PIEZO1: variants seen among roughly 807,000 people sequenced by gnomAD.
PIEZO1 encodes piezo type mechanosensitive ion channel component 1 (Er blood group).
PIEZO1 carries 296 observed loss-of-function variants against 297.2 expected under a neutral mutation model. The observed-to-expected ratio is 1.00, with a 90% CI of 0.91 to 1.10. The LOEUF (loss-of-function observed/expected upper bound fraction) is 1.10. PIEZO1 is among the 50% of genes least tolerant of loss of function. PIEZO1 has a pLI of 0.00. For missense variants in PIEZO1, 5,018 were observed against 3,455.5 expected (o/e 1.45, Z -11.34); for synonymous variants, 2,427 against 1,507.5 (o/e 1.61, Z -14.13).
rs765321050 is a variant in PIEZO1, at chr16:88,725,447, G to A, written c.4131C>T (p.Thr1377=). The A allele has an allele frequency of 3.2e-5, 47 of 1,485,502 alleles. No individual in the cohort carries two copies. The highest frequency in any genetic ancestry group is 3.9e-5 in the Non-Finnish European group (43 of 1,115,022). 92.0% of individuals were successfully genotyped at this position (1,485,502 alleles called of 1,614,324 possible). The change falls in exon 29 of 51, where the codon ACC becomes ACT. Residue 1377 remains threonine (T), a synonymous_variant. Coordinates refer to ENST00000301015, the MANE Select transcript of PIEZO1 (RefSeq NM_001142864.4). ...GRVDRSRPQD[T]LGPKDPGLEP... is the part of the protein sequence containing the mutation. ...CCAGGCCGGGGTCCTTGGGGCCCAG[G>A]GTGTCCTGGGGGCGACTGCGGTCCA...
Position 88,723,154 on chromosome 16 carries a change from G to C in PIEZO1, c.4439-3C>G. The C allele has an allele frequency of 6.5e-7, 1 of 1,549,320 alleles. No individual in the cohort carries two copies. Among genetic ancestry groups the C allele is most frequent in the Non-Finnish European group, 8.7e-7 (1 of 1,146,824 alleles). On this transcript the variant is annotated splice_polypyrimidine_tract_variant and splice_region_variant and intron_variant, in intron 32 of 50. Coordinates refer to ENST00000301015, the MANE Select transcript of PIEZO1 (RefSeq NM_001142864.4). ...CACCTCCTGGCTGGGACCACCTCCT[G>C]GGCACAGGATGCTGGTGAGTGACTG...
rs1401745821 is a variant in PIEZO1 at position 88,719,732 on chromosome 16, C to G, written c.6324-11G>C. On this transcript the variant is annotated splice_polypyrimidine_tract_variant and intron_variant, in intron 43 of 50. Coordinates refer to ENST00000301015, the MANE Select transcript of PIEZO1 (RefSeq NM_001142864.4). Reference sequence around the variant, plus strand: ...GGCACCAGCCGGAACCTGCCCACAGCCAGGGTTCCCGTCAGGTGGGCTCCC... The same window carrying G: ...GGCACCAGCCGGAACCTGCCCACAGGCAGGGTTCCCGTCAGGTGGGCTCCC... 1 of 1,550,524 alleles carries G rather than the reference C, an allele frequency of 6.4e-7. No individual in the cohort carries two copies. Among genetic ancestry groups the G allele is most frequent in the South Asian group, 1.2e-5 (1 of 84,052 alleles).
intron 1 of PIEZO1, among the ~76,000 whole-genome samples, chr16:88,757,327 T>TGGGG (rs200851830): frequency 7.0e-5 from 3 of 42,700 alleles, no homozygotes; most frequent in Non-Finnish European, 1.0e-4. Context: ...GGCGGGGGGG[T>TGGGG]GGGGGGTAGT....
intron 45 of PIEZO1, 29 bp from the exon 46 acceptor site, chr16:88,716,927 C>T (rs778677711): frequency 1.4e-5 from 21 of 1,547,894 alleles, no homozygotes; most frequent in African/African-American, 4.1e-5. Flanking sequence ...CACGGGGCCA[C>T]GAAGATGAGC....
At chr16:88,717,718 G>C (rs1912151901) in intron 44 of PIEZO1, 1 of 439,318 alleles carries the variant, frequency 2.3e-6, no homozygotes, top group Admixed American at 2.6e-5. Flanking sequence ...CATAGAATTG[G>C]AGAAATTTTC....
At chr16:88,733,796 C>T in intron 17 of PIEZO1, 51 bp from the exon 18 acceptor site, 2 of 1,481,018 alleles carry the variant, frequency 1.4e-6, no homozygotes, top group Non-Finnish European at 1.8e-6. Flanking sequence ...TTCCCGGGTC[C>T]CCTGTGAGGA....
intron 1 of PIEZO1, among the ~76,000 whole-genome samples, chr16:88,769,300 C>A (rs575157828): frequency 2.0e-5 from 3 of 152,348 alleles, no homozygotes; most frequent in African/African-American, 4.8e-5. Context: ...GATCCTCCCA[C>A]CATGGCCTCC....
In PIEZO1 at chr16:88,723,975, T is replaced by A; in HGVS notation, c.4235-4A>T. 1 of 1,521,998 alleles carries A rather than the reference T, an allele frequency of 6.6e-7. No homozygotes were observed. Among genetic ancestry groups the A allele is most frequent in the Admixed American group, 2.0e-5 (1 of 50,952 alleles). The allele number at this position is 1,521,998 out of a possible 1,614,324, so 94.3% of individuals were successfully genotyped here. A position where few individuals can be genotyped will look rare whatever the true frequency, so the allele number is the denominator to read the frequency against. On this transcript the variant is annotated splice_polypyrimidine_tract_variant and splice_region_variant and intron_variant, in intron 30 of 50. Transcript: ENST00000301015. Reference sequence around the variant, plus strand: ...AAGTAGTCCCCGGAGTGGATGACTGTGGGCAGGCAGCACTGAGAGCCAGCC... The same window carrying A: ...AAGTAGTCCCCGGAGTGGATGACTGAGGGCAGGCAGCACTGAGAGCCAGCC...
At position 88,721,321 on chromosome 16, in the gene PIEZO1, G is replaced by A. The variant is rs745612488; in HGVS notation, c.5513C>T (p.Thr1838Ile). ...EEGPGVPAATTEDHIQVEARV... is the reference protein window; with the variant it reads ...EEGPGVPAATIEDHIQVEARV... ...GGCTTCCACCTGAATGTGGTCTTCG[G>A]TGGTGGCCGCAGGCACCCCTGGCCC... Residue 1838 changes from threonine (T) to isoleucine (I), a missense_variant, in exon 39 of 51, where the codon ACC becomes ATC. Coordinates refer to ENST00000301015, the MANE Select transcript of PIEZO1 (RefSeq NM_001142864.4). The A allele has an allele frequency of 6.5e-7, 1 of 1,546,452 alleles. No individual in the cohort carries two copies. The highest frequency in any genetic ancestry group is 8.7e-7 in the Non-Finnish European group (1 of 1,146,744).
At position 88,770,315 on chromosome 16, in the gene PIEZO1, ACACCTGCCCCCCAGCCGGGCCC is replaced by A. The variant is rs1295432067; in HGVS notation, c.64+14564_64+14585del. Among the ~76,000 whole-genome samples the A allele has an allele frequency of 3.3e-5, 5 of 152,140 alleles. No individual in the cohort carries two copies. The East Asian group carries it at 9.7e-4, about 29-fold the overall frequency. ...CAGCCCGCTCCCCCATGACCCGGTC[ACACCTGCCCCCCAGCCGGGCCC>A]CGCCTGCATCACTTTCTGGCTATGG... On this transcript the variant is annotated intron_variant, in intron 1 of 50. Transcript: ENST00000301015.
In PIEZO1 at chr16:88,720,675, G is replaced by C; in HGVS notation, c.5742C>G (p.Ser1914Arg). The change falls in exon 40 of 51, where the codon AGC (serine) becomes AGG (arginine). Residue 1914 changes from serine to arginine, a missense_variant. Physicochemically the swap from Ser to Arg is moderately radical, Grantham distance 110. Transcript: ENST00000301015. ...CCGCCCTTACTCTTCCTCCAGAGCG[G>C]CTTGGCCTCTTCTCTCTCCCCGTGG... ...EAPTGREKRP[S>R]RSGGRVRAAG... The C allele has an allele frequency of 1.3e-6, 2 of 1,546,714 alleles. No homozygotes were observed. Among genetic ancestry groups the C allele is most frequent in the Non-Finnish European group, 1.7e-6 (2 of 1,145,104 alleles).
chr16:88,755,959 G>A (rs2142875351), intron 1 of PIEZO1, among the ~76,000 whole-genome samples: 1 of 152,274 alleles, frequency 6.6e-6, no homozygotes, highest in East Asian at 1.9e-4. Context: ...CTCGGAGCGG[G>A]GAGGGCGGGG....
Position 88,737,562 on chromosome 16 carries a change from G to A in PIEZO1, c.1192C>T (p.Pro398Ser), listed in dbSNP as rs1215802545. 1 of 1,531,876 alleles carries A rather than the reference G, an allele frequency of 6.5e-7. No homozygotes were observed. Among genetic ancestry groups the A allele is most frequent in the Non-Finnish European group, 8.7e-7 (1 of 1,144,674 alleles). The allele number at this position is 1,531,876 out of a possible 1,614,324, so 94.9% of individuals were successfully genotyped here. Reference sequence around the variant, plus strand: ...CCTTGCAGTGTGCGGTACTCACCAGGCCGCCGCAGGACGGAGCTCTGGCCG... The same window carrying A: ...CCTTGCAGTGTGCGGTACTCACCAGACCGCCGCAGGACGGAGCTCTGGCCG... ...LTGQSSVLRR[P>S]VRPKRAEPRE... Residue 398 changes from proline (P) to serine (S), a missense_variant, in exon 10 of 51, where the codon CCT (proline) becomes TCT (serine). Physicochemically the swap from Pro to Ser is moderately conservative, Grantham distance 74 (BLOSUM62 -1). Coordinates refer to ENST00000301015, the MANE Select transcript of PIEZO1 (RefSeq NM_001142864.4).
At position 88,721,178 on chromosome 16, in the gene PIEZO1, C is replaced by G. The variant is rs757753448; in HGVS notation, c.5656G>C (p.Ala1886Pro). The change falls in exon 39 of 51, where the codon GCG becomes CCG. Residue 1886 changes from alanine to proline, a missense_variant. Coordinates refer to ENST00000301015, the MANE Select transcript of PIEZO1 (RefSeq NM_001142864.4). ...RKKEGPARKGAAAIEAEDREE... is the reference protein window; with the variant it reads ...RKKEGPARKGPAAIEAEDREE... ...AGGGCGCTTATACCGATGGCTGCCGCTCCTTTCCGTGCTGGGCCCTCCTTC... is the reference window on the plus strand; with the variant it reads ...AGGGCGCTTATACCGATGGCTGCCGGTCCTTTCCGTGCTGGGCCCTCCTTC... The G allele has an allele frequency of 1.3e-5, 19 of 1,509,656 alleles. No homozygotes were observed. The highest frequency in any genetic ancestry group is 1.3e-4 in the African/African-American group (9 of 71,834). 93.5% of individuals were successfully genotyped at this position (1,509,656 alleles called of 1,614,324 possible).
rs917418405 is a variant in PIEZO1, at chr16:88,734,430, G to C, written c.2106C>G (p.His702Gln). Reference sequence around the variant, plus strand: ...TGTCGGTGAGCTGCATGAAGGGCCTGTGGAAGTAGTGCAGCTGCAGGATGC... The same window carrying C: ...TGTCGGTGAGCTGCATGAAGGGCCTCTGGAAGTAGTGCAGCTGCAGGATGC... ...LACILQLHYFHRPFMQLTDME... is the reference protein window; with the variant it reads ...LACILQLHYFQRPFMQLTDME... The change falls in exon 16 of 51, where the codon CAC (histidine) becomes CAG (glutamine). Residue 702 changes from histidine to glutamine, a missense_variant. Coordinates refer to ENST00000301015, the MANE Select transcript of PIEZO1 (RefSeq NM_001142864.4). 6.5e-7 allele frequency: 1 copy of C among 1,550,010 alleles called. No homozygotes were observed. Among genetic ancestry groups the C allele is most frequent in the Middle Eastern group, 1.7e-4 (1 of 5,958 alleles).
intron 1 of PIEZO1, among the ~76,000 whole-genome samples, chr16:88,753,277 C>T (rs1408995822): frequency 4.6e-5 from 3 of 65,216 alleles, no homozygotes; most frequent in South Asian, 7.5e-4. Context: ...AGCTCACCCG[C>T]CCCCCCAGAG....
intron 30 of PIEZO1, among the ~76,000 whole-genome samples, chr16:88,724,205 G>A (rs1466277810): frequency 6.6e-6 from 1 of 152,238 alleles, no homozygotes; most frequent in African/African-American, 2.4e-5. Flanking sequence ...GCAGAGGACC[G>A]GGGAAAACCC....
chr16:88,761,525 C>A (rs527925041), intron 1 of PIEZO1, among the ~76,000 whole-genome samples: 41 of 152,320 alleles, frequency 2.7e-4, no homozygotes, highest in Admixed American at 7.2e-4. Context: ...AATGGTTGTG[C>A]TTGCGGGGTG....
At chr16:88,730,597 C>CAAAAA (rs59142015) in intron 22 of PIEZO1, among the ~76,000 whole-genome samples, 1 of 84,274 alleles carries the variant, frequency 1.2e-5, no homozygotes, top group Non-Finnish European at 2.2e-5. Context: ...GACTCCATCT[C>CAAAAA]AAAAAAAAAA....
Sources: gnomAD v4.1 joint callset for allele counts (sites outside exome capture counted in the v4.1 genomes callset) on GRCh38, gnomAD v4.1.1 for gene constraint, MANE v1.5 for transcripts, NCBI Gene and HGNC (gene_info 2026-07-23, HGNC 2026-07-21) for gene names.